The following FER1L5 variants were observed in gnomAD, a reference collection of about 807,000 sequenced individuals.
FER1L5 encodes fer-1-like protein 5.
Under a neutral mutation model 279.9 loss-of-function variants are expected in FER1L5, and 187 were observed. That is an observed-to-expected ratio of 0.67 (90% CI 0.59 to 0.75). The LOEUF (loss-of-function observed/expected upper bound fraction) is 0.75, where lower values mean the gene tolerates loss of function less well. Among genes scored for constraint, FER1L5 ranks in the 30% least tolerant of loss-of-function variants. The pLI is 0.00. For synonymous variants in FER1L5, 921 were observed against 989.7 expected (o/e 0.93, Z 1.30); for missense variants, 2,091 against 2,594.4 (o/e 0.81, Z 4.21).
intron 14 of FER1L5, among the ~76,000 whole-genome samples, chr2:96,667,983 C>T (rs2076188056): frequency 6.6e-6 from 1 of 152,152 alleles, no homozygotes; most frequent in Non-Finnish European, 1.5e-5. Context: ...ACCTCAGCCT[C>T]CTGAGTAGCT....
Position 96,693,517 on chromosome 2 carries a change from C to A in FER1L5, c.3304C>A (p.Arg1102=). The change falls in exon 32 of 53, where the codon CGG becomes AGG. Residue 1102 remains arginine, a synonymous_variant. Transcript: ENST00000624922. Reference sequence around the variant, plus strand: ...CTCTACCCCTCCAGGGCCCTTCATTCGGGTGGTCTTCCTGAACCACAGCCA... The same window carrying A: ...CTCTACCCCTCCAGGGCCCTTCATTAGGGTGGTCTTCCTGAACCACAGCCA... ...QILTFQGPFI[R]VVFLNHSQCT... 1 of 1,551,260 alleles carries A rather than the reference C, an allele frequency of 6.4e-7. No individual in the cohort carries two copies. Among genetic ancestry groups the A allele is most frequent in the Non-Finnish European group, 8.7e-7 (1 of 1,146,800 alleles).
chr2:96,657,523 A>G (rs2075646316), intron 9 of FER1L5, among the ~76,000 whole-genome samples: 1 of 152,180 alleles, frequency 6.6e-6, no homozygotes, highest in Non-Finnish European at 1.5e-5. Flanking sequence ...TACTCATCAC[A>G]TCTGTCACCT....
At chr2:96,650,840 T>G (rs1374971900) in intron 6 of FER1L5, among the ~76,000 whole-genome samples, 1 of 152,148 alleles carries the variant, frequency 6.6e-6, no homozygotes, top group Non-Finnish European at 1.5e-5. Context: ...GGACCACTCC[T>G]CTTCCTGCAC....
Position 96,691,086 on chromosome 2 carries a change from T to A in FER1L5, c.2744-104T>A. The A allele has an allele frequency of 7.4e-7, 1 of 1,346,514 alleles. No homozygotes were observed. The highest frequency in any genetic ancestry group is 9.9e-7 in the Non-Finnish European group (1 of 1,007,584). 83.4% of individuals were successfully genotyped at this position (1,346,514 alleles called of 1,614,324 possible). ...CACACCTCAGGGCCAGAGACCTGGA[T>A]GTGAGGGAAGTAATGCCCCTCTAGG... On this transcript the variant is annotated intron_variant, in intron 27 of 52. Transcript: ENST00000624922. The surrounding 1 kb of genome is among the most constrained non-coding windows in gnomAD (Gnocchi z 6.0).
In FER1L5 at chr2:96,653,719, G is replaced by A; in HGVS notation, c.696+17G>A. On this transcript the variant is annotated intron_variant, in intron 8 of 52. Transcript: ENST00000624922. Reference sequence around the variant, plus strand: ...TTAATCCAGGTGAGGAGCCAAACTGGTCCCCAGCAAGGTGGGTTTCTTGTC... The same window carrying A: ...TTAATCCAGGTGAGGAGCCAAACTGATCCCCAGCAAGGTGGGTTTCTTGTC... 5 of 1,547,296 alleles carry A rather than the reference G, an allele frequency of 3.2e-6. No homozygotes were observed. The highest frequency in any genetic ancestry group is 3.5e-6 in the Non-Finnish European group (4 of 1,143,988).
chr2:96,661,333 C>A lies in FER1L5; in HGVS notation c.787C>A (p.Leu263Ile), dbSNP rs1430445083. The A allele has an allele frequency of 5.8e-6, 9 of 1,549,692 alleles. No homozygotes were observed. The highest frequency in any genetic ancestry group is 1.4e-5 in the African/African-American group (1 of 72,912). Residue 263 changes from leucine (L) to isoleucine (I), a missense_variant, in exon 11 of 53, where the codon CTC becomes ATC. Leu to Ile is a conservative substitution (Grantham distance 5, BLOSUM62 2). Transcript: ENST00000624922. ...CCTTTCTGCCTCTCTAGGTCACACA[C>A]TCCTAAGGAAATGGCTAGGCCTCTG... The part of the protein sequence containing the change: ...GFIYHSPGHT[L>I]LRKWLGLCQP...
chr2:96,647,882 C>G lies in FER1L5; in HGVS notation c.335C>G (p.Thr112Arg). ...CTGCTCAACCATTCCATGAAGCCCACAGATGTGAGTCAGGCCCAGGAAGGC... is the reference window on the plus strand; with the variant it reads ...CTGCTCAACCATTCCATGAAGCCCAGAGATGTGAGTCAGGCCCAGGAAGGC... Reference protein sequence around the residue: ...LTLLNHSMKPTDCTVTLQVAH... With the variant: ...LTLLNHSMKPRDCTVTLQVAH... Residue 112 changes from threonine to arginine, a missense_variant, in exon 4 of 53, where the codon ACA (threonine) becomes AGA (arginine). Thr to Arg is a moderately conservative substitution (Grantham distance 71). Coordinates refer to ENST00000624922, the MANE Select transcript of FER1L5 (RefSeq NM_001293083.2). The G allele has an allele frequency of 1.3e-6, 2 of 1,551,438 alleles. No homozygotes were observed. Among genetic ancestry groups the G allele is most frequent in the Non-Finnish European group, 8.7e-7 (1 of 1,146,642 alleles).
chr2:96,703,470 AC>A, intron 50 of FER1L5, 52 bp from the exon 51 acceptor site: 1 of 1,609,718 alleles, frequency 6.2e-7, no homozygotes, highest in South Asian at 1.1e-5. Context: ...TCCTAAAACT[AC>A]CCGGCTCCTG....
At chr2:96,645,576 CT>C (rs1489096351) in intron 1 of FER1L5, among the ~76,000 whole-genome samples, 3 of 152,118 alleles carry the variant, frequency 2.0e-5, no homozygotes, top group Non-Finnish European at 4.4e-5. Flanking sequence ...TCACTTGAGT[CT>C]GGGAGTTTGA....
intron 1 of FER1L5, among the ~76,000 whole-genome samples, chr2:96,644,877 C>G (rs1302739570): frequency 6.6e-6 from 1 of 152,190 alleles, no homozygotes; most frequent in Non-Finnish European, 1.5e-5. Context: ...AGGCAAGGGC[C>G]TGGCAGTTCT....
At position 96,703,283 on chromosome 2, in the gene FER1L5, G is replaced by GA. The variant is rs1251799073; in HGVS notation, c.5630dup (p.Lys1878GlufsTer100). ...AATACAAGCACTTCTCCCTCTTTAA[G>GA]AAGAAGACTGTGACTGGCTGGTGGC... is the stretch of plus-strand genomic sequence containing the variant. On this transcript the variant is annotated frameshift_variant, in exon 50 of 53. Transcript: ENST00000624922. LOFTEE classifies it high-confidence loss of function. The GA allele has an allele frequency of 6.2e-7, 1 of 1,613,768 alleles. No individual in the cohort carries two copies. The highest frequency in any genetic ancestry group is 1.7e-5 in the Admixed American group (1 of 59,984).
chr2:96,669,004 C>T (rs545945364), intron 16 of FER1L5, 36 bp downstream of exon 16: 11 of 1,551,600 alleles, frequency 7.1e-6, no homozygotes, highest in African/African-American at 1.4e-5. Context: ...CTACACCCCT[C>T]GTCCTGCGCC....
At chr2:96,651,249 T>TTCTTTC (rs2075356245) in intron 6 of FER1L5, among the ~76,000 whole-genome samples, 2 of 95,882 alleles carry the variant, frequency 2.1e-5, no homozygotes, top group Non-Finnish European at 4.5e-5. Context: ...CTTTCTTTCT[T>TTCTTTC]TCTTTCTTTC....
rs768899471 is a variant in FER1L5 at position 96,700,467 on chromosome 2, A to C, written c.5066A>C (p.Asp1689Ala). The C allele has an allele frequency of 1.9e-6, 3 of 1,613,232 alleles. No homozygotes were observed. The highest frequency in any genetic ancestry group is 2.5e-6 in the Non-Finnish European group (3 of 1,179,876). The part of the protein sequence containing the change: ...TLYSHSQPGI[D>A]QGKVQMWVDI... ...TACAGCCACAGCCAGCCAGGCATCG[A>C]CCAGGTATGAGACTGGAGGGGCCAC... The change falls in exon 45 of 53, where the codon GAC becomes GCC. Residue 1689 changes from aspartate (D) to alanine (A), a missense_variant. By Grantham distance (126) the Asp-to-Ala change is moderately radical (BLOSUM62 -2). Coordinates refer to ENST00000624922, the MANE Select transcript of FER1L5 (RefSeq NM_001293083.2).
intron 23 of FER1L5, 194 bp from the exon 24 acceptor site, chr2:96,687,622 G>A: frequency 1.3e-6 from 1 of 786,572 alleles, no homozygotes; most frequent in South Asian, 1.9e-5. Flanking sequence ...ATGGCTCCCA[G>A]GGTGGAGCCA....
Position 96,690,713 on chromosome 2 carries a change from G to A in FER1L5, c.2743+124G>A, listed in dbSNP as rs543835590. The A allele has an allele frequency of 1.4e-5, 11 of 812,746 alleles. No individual in the cohort carries two copies. In the East Asian group the frequency reaches 2.4e-4, roughly 18 times the overall value. 50.3% of individuals were successfully genotyped at this position (812,746 alleles called of 1,614,324 possible). Reference sequence around the variant, plus strand: ...TACGCCTAAATTCCTGGGGCCCCCTGGCCTCCAGAGCTGGGTCTCCAGCGT... The same window carrying A: ...TACGCCTAAATTCCTGGGGCCCCCTAGCCTCCAGAGCTGGGTCTCCAGCGT... On this transcript the variant is annotated intron_variant, in intron 27 of 52. Coordinates refer to ENST00000624922, the MANE Select transcript of FER1L5 (RefSeq NM_001293083.2).
At chr2:96,652,655 G>A in intron 7 of FER1L5, 1 of 155,558 alleles carries the variant, frequency 6.4e-6, no homozygotes, top group South Asian at 2.0e-4. Context: ...GGGTGTGGCT[G>A]GAGGAGACTG....
intron 42 of FER1L5, 54 bp from the exon 43 acceptor site, chr2:96,699,496 G>C (rs1342441213): frequency 9.0e-6 from 14 of 1,554,306 alleles, no homozygotes; most frequent in Non-Finnish European, 1.1e-5. Flanking sequence ...GTGAGGGAGG[G>C]GGGCACAGAG....
At chr2:96,663,766 G>T (rs1275639920) in intron 14 of FER1L5, among the ~76,000 whole-genome samples, 1 of 152,118 alleles carries the variant, frequency 6.6e-6, no homozygotes, top group Admixed American at 6.6e-5. Context: ...AATTTGGCTG[G>T]GCACGGTGGC....
Sources: allele counts gnomAD v4.1 joint callset (sites outside exome capture counted in the v4.1 genomes callset), GRCh38; gene constraint gnomAD v4.1.1; non-coding constraint Gnocchi (gnomAD v3.1); transcripts MANE v1.5; gene names NCBI Gene and HGNC (gene_info 2026-07-23, HGNC 2026-07-21).